Variants in CEP162 observed in about 807,000 individuals in gnomAD.
The protein encoded by CEP162 is centrosomal protein of 162 kDa.
In CEP162, 141 loss-of-function variants were observed where a neutral mutation model predicts 169.2. The observed-to-expected ratio is 0.83, with a 90% CI of 0.73 to 0.96. The LOEUF is 0.96. CEP162 is among the 40% of genes least tolerant of loss of function. The probability of loss-of-function intolerance (pLI) is 0.00; values close to 1 mark genes in which losing one functional copy is unlikely to be tolerated. For synonymous variants in CEP162, 540 were observed against 526.4 expected (o/e 1.03, Z -0.35); for missense variants, 1,600 against 1,587.2 (o/e 1.01, Z -0.14).
intron 6 of CEP162, among the ~76,000 whole-genome samples, chr6:84,210,102 C>T (rs1020567093): frequency 1.3e-5 from 2 of 152,266 alleles, no homozygotes; most frequent in East Asian, 3.9e-4. Flanking sequence ...GTTCGGAAAA[C>T]AATCAGAATA....
In CEP162 at chr6:84,174,891, C is replaced by T. The variant is rs1396392586; in HGVS notation, c.1861G>A (p.Glu621Lys). The stretch of plus-strand genomic sequence containing the variant: ...GCACCCCTCCATTTATCCTCTGCTT[C>T]CTGAACTCTTTTAAACATAAGTAAT... ...KKLLMFKRVQ[E>K]AEDKWRGAQA... Residue 621 changes from glutamate to lysine, a missense_variant, in exon 15 of 27, where the codon GAA (glutamate) becomes AAA (lysine). Physicochemically the swap from Glu to Lys is moderately conservative, Grantham distance 56. Transcript: ENST00000403245. The T allele has an allele frequency of 1.9e-6, 3 of 1,571,160 alleles. No individual in the cohort carries two copies. The highest frequency in any genetic ancestry group is 1.7e-6 in the Non-Finnish European group (2 of 1,157,034).
intron 25 of CEP162, among the ~76,000 whole-genome samples, chr6:84,138,507 A>G (rs968310907): frequency 6.6e-6 from 1 of 152,220 alleles, no homozygotes; most frequent in Non-Finnish European, 1.5e-5. Context: ...CAGCTAGAAT[A>G]TTACACAGAA....
In CEP162 at chr6:84,194,757, A is replaced by G. The variant is rs9449834; in HGVS notation, c.1027+127T>C. The G allele has an allele frequency of 0.017, 13,873 of 799,314 alleles. 1,344 individuals are homozygous for G. The African/African-American group carries it at 0.21, about 12-fold the overall frequency. 49.5% of individuals were successfully genotyped at this position (799,314 alleles called of 1,614,324 possible). ...ATCAGCCACCTCGCCTGGCTGAAAA[A>G]ATTTCTTTAATTAAGCTCAGAGACT... On this transcript the variant is annotated intron_variant, in intron 10 of 26. Transcript: ENST00000403245.
At chr6:84,131,453 G>A (rs1369361036) in intron 25 of CEP162, among the ~76,000 whole-genome samples, 1 of 152,128 alleles carries the variant, frequency 6.6e-6, no homozygotes, top group Admixed American at 6.6e-5. Flanking sequence ...GGGTGTTAAA[G>A]TCTTCCATTA....
intron 25 of CEP162, among the ~76,000 whole-genome samples, chr6:84,127,971 T>C (rs2099509628): frequency 6.6e-6 from 1 of 152,222 alleles, no homozygotes; most frequent in African/African-American, 2.4e-5. Context: ...GGCATTAGGC[T>C]GAGCACTTTA....
chr6:84,205,370 C>T (rs538952979), intron 6 of CEP162, among the ~76,000 whole-genome samples: 12 of 152,278 alleles, frequency 7.9e-5, no homozygotes, highest in African/African-American at 2.9e-4. Context: ...GCTTATCCAC[C>T]ACGATCAAGT....
At chr6:84,150,005 C>T (rs564709472) in intron 23 of CEP162, among the ~76,000 whole-genome samples, 1 of 152,228 alleles carries the variant, frequency 6.6e-6, no homozygotes, top group South Asian at 2.1e-4. Flanking sequence ...AAAAGCAAAG[C>T]ACTTGACATT....
intron 3 of CEP162, among the ~76,000 whole-genome samples, chr6:84,218,167 T>C (rs1183306948): frequency 2.6e-5 from 4 of 152,112 alleles, no homozygotes; most frequent in Admixed American, 2.6e-4. Context: ...TGCTAAGATG[T>C]GAAGAAAGAC....
intron 3 of CEP162, among the ~76,000 whole-genome samples, chr6:84,220,828 T>C (rs2099553436): frequency 6.6e-6 from 1 of 152,154 alleles, no homozygotes; most frequent in Non-Finnish European, 1.5e-5. Flanking sequence ...TTTGAGTAAA[T>C]ATAAATTATC....
rs1262632313 is a variant in CEP162 at position 84,163,047 on chromosome 6, G to A, written c.2512+97C>T. ...CTAAAATTACAATATACTTCAAGGA[G>A]TAGCATTTTGATTATACCATTCAAT... is the stretch of plus-strand genomic sequence containing the variant. On this transcript the variant is annotated intron_variant, in intron 19 of 26. Transcript: ENST00000403245. 7.0e-6 allele frequency: 8 copies of A among 1,138,176 alleles called. No homozygotes were observed. In the African/African-American group the frequency reaches 1.2e-4, roughly 18 times the overall value. 70.5% of individuals were successfully genotyped at this position (1,138,176 alleles called of 1,614,324 possible).
chr6:84,226,456 A>C lies in CEP162; in HGVS notation c.-59-4T>G, dbSNP rs553661691. 2 of 1,150,116 alleles carry C rather than the reference A, an allele frequency of 1.7e-6. No homozygotes were observed. The highest frequency in any genetic ancestry group is 2.0e-5 in the Admixed American group (1 of 48,864). The allele number at this position is 1,150,116 out of a possible 1,614,324, so 71.2% of individuals were successfully genotyped here. The stretch of plus-strand genomic sequence containing the variant: ...AGTACCTCAAACATTGGAAACACTA[A>C]ATGACAAGAGACATAAACATCTTTT... On this transcript the variant is annotated splice_polypyrimidine_tract_variant and splice_region_variant and intron_variant, in intron 1 of 26. Transcript: ENST00000403245.
rs190097844 is a variant in CEP162 at position 84,200,501 on chromosome 6, G to A, written c.835+288C>T. Among the ~76,000 whole-genome samples, 96 of 152,206 alleles carry A rather than the reference G, an allele frequency of 6.3e-4. 1 individual carries two copies. The highest frequency in any genetic ancestry group is 1.2e-3 in the Non-Finnish European group (80 of 68,000). ...AGATTTAACTGAATACTCTGGAGAGGCATAGAAAATTAGTTAACGTTCACC... is the reference window on the plus strand; with the variant it reads ...AGATTTAACTGAATACTCTGGAGAGACATAGAAAATTAGTTAACGTTCACC... On this transcript the variant is annotated intron_variant, in intron 9 of 26. Coordinates refer to ENST00000403245, the MANE Select transcript of CEP162 (RefSeq NM_014895.4).
chr6:84,187,292 C>T (rs148226053), intron 11 of CEP162, among the ~76,000 whole-genome samples: 103 of 152,086 alleles, frequency 6.8e-4, no homozygotes, highest in African/African-American at 2.2e-3. Flanking sequence ...ACAGGGTCTC[C>T]AAAAATATGG....
chr6:84,160,683 C>T, intron 21 of CEP162, 129 bp downstream of exon 21: 1 of 605,556 alleles, frequency 1.7e-6, no homozygotes, highest in South Asian at 2.1e-5. Context: ...ATTACTTTTA[C>T]TAATGTAAAT....
At chr6:84,204,223 G>A (rs2099545829) in intron 6 of CEP162, 127 bp from the exon 7 acceptor site, 5 of 558,606 alleles carry the variant, frequency 9.0e-6, no homozygotes, top group Non-Finnish European at 1.5e-5. Flanking sequence ...GTAACATAAA[G>A]ATGTCTTTAG....
rs80314104 is a variant in CEP162, at chr6:84,185,218, C to A, written c.1632G>T (p.Ser544=). 1,902 of 1,612,162 alleles carry A rather than the reference C, an allele frequency of 1.2e-3. 28 individuals carry two copies. In the African/African-American group the frequency reaches 0.023, roughly 20 times the overall value. The change falls in exon 13 of 27, where the codon TCG becomes TCT. Residue 544 remains serine, a synonymous_variant. Transcript: ENST00000403245. ...EDIIKSKNLR[S]ISTSNQPRKK... is the part of the protein sequence containing the mutation. ...TCCTAGGTTGATTGGAGGTAGAAAT[C>A]GATCTCAAGTTTTTGCTTTTTATAA...
At chr6:84,161,339 A>T (rs574948879) in intron 20 of CEP162, among the ~76,000 whole-genome samples, 1 of 152,276 alleles carries the variant, frequency 6.6e-6, no homozygotes, top group Admixed American at 6.5e-5. Flanking sequence ...TCTAGAGAGT[A>T]GATATTTGAG....
chr6:84,174,509 T>C (rs545042774), intron 15 of CEP162, among the ~76,000 whole-genome samples: 22 of 152,224 alleles, frequency 1.4e-4, no homozygotes, highest in African/African-American at 5.3e-4. Context: ...AAGAAAACCA[T>C]AAAAATGAGC....
In CEP162 at chr6:84,158,898, TATC is replaced by T. The variant is rs2099524295; in HGVS notation, c.2781+1911_2781+1913del. 2.0e-5 allele frequency among the ~76,000 whole-genome samples: 3 copies of T among 151,960 alleles called. No individual in the cohort carries two copies. In the South Asian group the frequency reaches 6.2e-4, roughly 32 times the overall value. ...TTTAATATTATTCTTTGGTCAAAAATATCAGTCTGGTATACAAAGTAAATTTTT... is the reference window on the plus strand; with the variant it reads ...TTTAATATTATTCTTTGGTCAAAAATAGTCTGGTATACAAAGTAAATTTTT... On this transcript the variant is annotated intron_variant, in intron 21 of 26. Coordinates refer to ENST00000403245, the MANE Select transcript of CEP162 (RefSeq NM_014895.4).
Sources: allele counts gnomAD v4.1 joint callset (sites outside exome capture counted in the v4.1 genomes callset), GRCh38; gene constraint gnomAD v4.1.1; transcripts MANE v1.5; gene names NCBI Gene and HGNC (gene_info 2026-07-23, HGNC 2026-07-21).